PID1: variants seen among roughly 807,000 people sequenced by gnomAD.
The protein encoded by PID1 is PTB-containing, cubilin and LRP1-interacting protein.
Under a neutral mutation model 19.1 loss-of-function variants are expected in PID1, and 10 were observed. The observed-to-expected ratio is 0.52, with a 90% CI of 0.32 to 0.89. The LOEUF is 0.89. Ranked by LOEUF, PID1 falls within the 40% of genes least tolerant of loss-of-function variation. The pLI, the probability that PID1 is intolerant of heterozygous loss-of-function variation, is 0.03. For missense variants in PID1, 248 were observed against 285.3 expected, an observed-to-expected ratio of 0.87 and a Z score of 0.94; for synonymous variants, 130 against 116.0, an observed-to-expected ratio of 1.12 and a Z score of -0.78.
rs1196503841 is a variant in PID1, at chr2:229,122,071, AAAT to A, written c.177+33744_177+33746del. The stretch of plus-strand genomic sequence containing the variant: ...ATATCTGGACTGTCACTTTTACTAA[AAAT>A]AAATTTTTCATAAACATCTTAAGAG... On this transcript the variant is annotated intron_variant, in intron 2 of 2. Coordinates refer to ENST00000392055, the MANE Select transcript of PID1 (RefSeq NM_001100818.2). 1.3e-5 allele frequency among the ~76,000 whole-genome samples: 2 copies of A among 152,228 alleles called. 1 individual carries two copies. The highest frequency in any genetic ancestry group is 2.9e-5 in the Non-Finnish European group (2 of 68,040).
At chr2:229,162,233 G>A (rs1015578907) in intron 1 of PID1, among the ~76,000 whole-genome samples, 3 of 152,108 alleles carry the variant, frequency 2.0e-5, no homozygotes, top group Non-Finnish European at 4.4e-5. Flanking sequence ...CGGGGTAATC[G>A]CCATGCCCTG....
intron 1 of PID1, among the ~76,000 whole-genome samples, chr2:229,200,459 G>A (rs1691475490): frequency 6.6e-6 from 1 of 151,994 alleles, no homozygotes; most frequent in Admixed American, 6.6e-5. Context: ...TCCTCTGCCT[G>A]TTGAGTTAGC....
At chr2:229,090,651 T>C (rs1214903240) in intron 2 of PID1, among the ~76,000 whole-genome samples, 1 of 152,158 alleles carries the variant, frequency 6.6e-6, no homozygotes, top group Non-Finnish European at 1.5e-5. Context: ...AGTTTTTGTT[T>C]TCTGTAACAA....
intron 2 of PID1, among the ~76,000 whole-genome samples, chr2:229,139,118 AAAG>A (rs1689951237): frequency 8.6e-6 from 1 of 116,808 alleles, no homozygotes; most frequent in Non-Finnish European, 1.8e-5. Context: ...AAAGAAAGAG[AAAG>A]AAAGAAAGAA....
intron 2 of PID1, among the ~76,000 whole-genome samples, chr2:229,135,450 T>C (rs779803407): frequency 1.6e-4 from 25 of 152,196 alleles, no homozygotes; most frequent in Admixed American, 3.3e-4. Context: ...GGCAAATTCA[T>C]AGAGACAGAA....
chr2:229,174,361 C>G (rs1325687816), intron 1 of PID1, among the ~76,000 whole-genome samples: 1 of 152,016 alleles, frequency 6.6e-6, no homozygotes, highest in Non-Finnish European at 1.5e-5. Context: ...AGCTCACGGT[C>G]AGGTAATGTA....
intron 2 of PID1, among the ~76,000 whole-genome samples, chr2:229,142,488 G>A (rs974508438): frequency 1.3e-5 from 2 of 152,074 alleles, no homozygotes; most frequent in Non-Finnish European, 2.9e-5. Flanking sequence ...AACATATCAG[G>A]GGTTTCAACC....
intron 2 of PID1, among the ~76,000 whole-genome samples, chr2:229,045,296 A>C (rs750739145): frequency 2.1e-4 from 32 of 152,182 alleles, no homozygotes; most frequent in Non-Finnish European, 3.8e-4. Flanking sequence ...TTTCTTTTGG[A>C]TGTTGGTCTA....
intron 2 of PID1, among the ~76,000 whole-genome samples, chr2:229,149,715 C>A (rs1361441567): frequency 2.6e-5 from 4 of 152,146 alleles, no homozygotes; most frequent in African/African-American, 9.7e-5. Context: ...ATGACCGTAG[C>A]GGCTTTAGAC....
chr2:229,258,045 C>T (rs1462423620), intron 1 of PID1, among the ~76,000 whole-genome samples: 1 of 152,222 alleles, frequency 6.6e-6, no homozygotes, highest in Non-Finnish European at 1.5e-5. Context: ...TTTACCCTTT[C>T]AACAGCAATA....
At chr2:229,038,972 A>G (rs182370967) in intron 2 of PID1, among the ~76,000 whole-genome samples, 9 of 152,334 alleles carry the variant, frequency 5.9e-5, no homozygotes, top group Admixed American at 3.9e-4. Flanking sequence ...ATAGCTTCCA[A>G]GAAAGAATCT....
intron 1 of PID1, among the ~76,000 whole-genome samples, chr2:229,255,804 A>ATTAG: frequency 6.6e-6 from 1 of 152,280 alleles, no homozygotes; most frequent in South Asian, 2.1e-4. Flanking sequence ...GATAAGCCCC[A>ATTAG]ACACTTCTAG....
intron 1 of PID1, among the ~76,000 whole-genome samples, chr2:229,267,940 G>T (rs1316732149): frequency 2.0e-5 from 3 of 151,332 alleles, no homozygotes; most frequent in African/African-American, 4.9e-5. Flanking sequence ...AAAAAAAAAA[G>T]TCTGCTGTGC....
chr2:229,118,516 T>C (rs1265616572), intron 2 of PID1, among the ~76,000 whole-genome samples: 1 of 152,196 alleles, frequency 6.6e-6, no homozygotes, highest in Admixed American at 6.5e-5. Context: ...TACATCCTAA[T>C]CTTTCTTCTA....
In PID1 at chr2:229,200,093, C is replaced by T. The variant is rs1329395401; in HGVS notation, c.31-44129G>A. On this transcript the variant is annotated intron_variant, in intron 1 of 2. Transcript: ENST00000392055. The stretch of plus-strand genomic sequence containing the variant: ...AGAACTTGAAGAAGGCAATTTGGTT[C>T]GTTTGTGAGGCTATTGAACTAAGTG... 6.6e-5 allele frequency among the ~76,000 whole-genome samples: 10 copies of T among 151,790 alleles called. No individual in the cohort carries two copies. In the East Asian group the frequency reaches 1.9e-3, roughly 29 times the overall value.
chr2:229,245,686 T>C (rs1385541270), intron 1 of PID1, among the ~76,000 whole-genome samples: 3 of 152,136 alleles, frequency 2.0e-5, no homozygotes, highest in Admixed American at 2.0e-4. Flanking sequence ...TTTTTACATA[T>C]ATTATCTCAT....
chr2:229,202,652 C>T (rs972133386), intron 1 of PID1, among the ~76,000 whole-genome samples: 1 of 152,046 alleles, frequency 6.6e-6, no homozygotes, highest in Non-Finnish European at 1.5e-5. Context: ...TAAGCTAAAT[C>T]TTCCTGTCAC....
intron 2 of PID1, among the ~76,000 whole-genome samples, chr2:229,086,891 G>A (rs528695806): frequency 1.3e-4 from 19 of 141,402 alleles, no homozygotes; most frequent in African/African-American, 4.7e-4. Flanking sequence ...ACACAGTTAA[G>A]TATGCTTGCA....
chr2:229,093,557 G>A (rs1460667110), intron 2 of PID1, among the ~76,000 whole-genome samples: 1 of 152,210 alleles, frequency 6.6e-6, no homozygotes, highest in Non-Finnish European at 1.5e-5. Context: ...CTGGGAGTCT[G>A]CAGATCTTGG....
Sources: allele counts gnomAD v4.1 joint callset (sites outside exome capture counted in the v4.1 genomes callset), GRCh38; gene constraint gnomAD v4.1.1; transcripts MANE v1.5; gene names NCBI Gene and HGNC (gene_info 2026-07-23, HGNC 2026-07-21).